The following SLC25A6 variants were observed in gnomAD, a reference collection of about 807,000 sequenced individuals.
SLC25A6 encodes the protein ADP/ATP translocase 3.
A neutral mutation model predicts 25.7 loss-of-function variants in SLC25A6; 9 were observed. The ratio of observed to expected loss-of-function variants is 0.35; its 90% CI spans 0.21 to 0.61. SLC25A6 has a LOEUF of 0.61. Among genes scored for constraint, SLC25A6 ranks in the 20% least tolerant of loss-of-function variants. SLC25A6 has a pLI of 0.76. For missense variants in SLC25A6, 404 were observed against 440.5 expected, an observed-to-expected ratio of 0.92 and a Z score of 0.74; for synonymous variants, 223 against 197.0, an observed-to-expected ratio of 1.13 and a Z score of -1.11.
intron 2 of SLC25A6, 54 bp from the exon 3 acceptor site, chrX:1,387,473 C>G (rs1440141011): frequency 6.8e-5 from 108 of 1,599,864 alleles, no homozygotes; most frequent in Non-Finnish European, 8.9e-5. Flanking sequence ...CACCCGAGAC[C>G]AGGGTCGGCC....
At chrX:1,391,720 C>G (rs2089415210) in intron 1 of SLC25A6, among the ~76,000 whole-genome samples, 179 bp downstream of exon 1, 2 of 152,260 alleles carry the variant, frequency 1.3e-5, no homozygotes, top group South Asian at 4.1e-4. Context: ...GACGTCGCCA[C>G]GCCCTGCAGC....
chrX:1,387,804 G>GATATA (rs1281957319), intron 2 of SLC25A6, among the ~76,000 whole-genome samples: 1 of 152,048 alleles, frequency 6.6e-6, no homozygotes. Flanking sequence ...ACTGTACTTG[G>GATATA]ATATAAGGTC....
At position 1,386,339 on chromosome X, in the gene SLC25A6, A is replaced by G. The variant is rs1244385448; in HGVS notation, c.*263T>C. The G allele has an allele frequency of 2.3e-6, 1 of 443,760 alleles. No homozygotes were observed. The highest frequency in any genetic ancestry group is 3.9e-6 in the Non-Finnish European group (1 of 254,850). The allele number at this position is 443,760 out of a possible 1,614,324, so 27.5% of individuals were successfully genotyped here. On this transcript the variant is annotated 3_prime_UTR_variant, in exon 4 of 4. Coordinates refer to ENST00000381401, the MANE Select transcript of SLC25A6 (RefSeq NM_001636.4). Reference sequence around the variant, plus strand: ...AAGCATCTGGACTCTAGGTCTCAGTACTGGAGTGTCTCACCCATGGGCCCC... The same window carrying G: ...AAGCATCTGGACTCTAGGTCTCAGTGCTGGAGTGTCTCACCCATGGGCCCC...
chrX:1,387,275 G>GT lies in SLC25A6; in HGVS notation c.739+3dup, dbSNP rs750753217. Reference sequence around the variant, plus strand: ...CAGCAAGGGTCCCCCGCCCCCCCGAGTACCTCCTTTGCGCCCGGACTGCAT... The same window carrying GT: ...CAGCAAGGGTCCCCCGCCCCCCCGAGTTACCTCCTTTGCGCCCGGACTGCAT... On this transcript the variant is annotated splice_donor_region_variant and intron_variant, in intron 3 of 3. Transcript: ENST00000381401. 92 of 1,611,300 alleles carry GT rather than the reference G, an allele frequency of 5.7e-5. No individual in the cohort carries two copies. The African/African-American group carries it at 1.1e-3, about 19-fold the overall frequency.
chrX:1,390,532 C>T (rs1245175709), intron 1 of SLC25A6, among the ~76,000 whole-genome samples: 1 of 150,752 alleles, frequency 6.6e-6, no homozygotes, highest in African/African-American at 2.4e-5. Flanking sequence ...GAGCCGAGAT[C>T]GTGCCACTGC....
chrX:1,386,826 C>T, intron 3 of SLC25A6, 67 bp from the exon 4 acceptor site: 4 of 1,525,132 alleles, frequency 2.6e-6, no homozygotes, highest in South Asian at 1.2e-5. Flanking sequence ...GCCACCTGCA[C>T]CCACAAAGAC....
chrX:1,387,147 C>T (rs1371287602), intron 3 of SLC25A6, 132 bp downstream of exon 3: 10 of 1,167,044 alleles, frequency 8.6e-6, no homozygotes, highest in Non-Finnish European at 1.2e-5. Context: ...AGCCAGGTTA[C>T]TTTCGGACAC....
Position 1,386,685 on chromosome X carries a change from TGAA to T in SLC25A6, c.811_813del (p.Phe271del), listed in dbSNP as rs1200978666. ...CGCAGGACGTTGGACCACGCACCCT[TGAA>T]GAAGGCCTTGCCCCCCTCATCTCTG... On this transcript the variant is annotated inframe_deletion, in exon 4 of 4. Coordinates refer to ENST00000381401, the MANE Select transcript of SLC25A6 (RefSeq NM_001636.4). 6 of 1,613,018 alleles carry T rather than the reference TGAA, an allele frequency of 3.7e-6. No individual in the cohort carries two copies. The highest frequency in any genetic ancestry group is 1.1e-5 in the South Asian group (1 of 90,990).
At chrX:1,388,390 T>A (rs1207164086) in intron 2 of SLC25A6, among the ~76,000 whole-genome samples, 1 of 148,464 alleles carries the variant, frequency 6.7e-6, no homozygotes, top group Non-Finnish European at 1.5e-5. Context: ...GGGACGACCC[T>A]GTGAGGACAC....
chrX:1,388,385 G>A (rs1256750354), intron 2 of SLC25A6, among the ~76,000 whole-genome samples: 175 of 148,874 alleles, frequency 1.2e-3, no homozygotes, highest in Middle Eastern at 3.9e-3. Context: ...ACAGAGGGAC[G>A]ACCCTGTGAG....
At chrX:1,389,176 G>T in intron 2 of SLC25A6, 65 bp downstream of exon 2, 1 of 1,553,110 alleles carries the variant, frequency 6.4e-7, no homozygotes, top group East Asian at 2.3e-5. Context: ...CAGCCCACAG[G>T]ACCCTGGGGG....
At chrX:1,389,121 G>A in intron 2 of SLC25A6, 120 bp downstream of exon 2, 2 of 1,096,804 alleles carry the variant, frequency 1.8e-6, no homozygotes, top group Admixed American at 2.6e-5. Context: ...CCAGGAGAGA[G>A]GCCGCAGGAG....
chrX:1,387,797 G>A (rs1230502143), intron 2 of SLC25A6, among the ~76,000 whole-genome samples: 1 of 151,952 alleles, frequency 6.6e-6, no homozygotes, highest in Non-Finnish European at 1.5e-5. Context: ...GGATGCAACT[G>A]TACTTGGATA....
At chrX:1,391,576 G>A (rs1367025705) in intron 1 of SLC25A6, among the ~76,000 whole-genome samples, 3 of 152,246 alleles carry the variant, frequency 2.0e-5, no homozygotes, top group Non-Finnish European at 4.4e-5. Context: ...TCCCAGCCGG[G>A]GGACCCGCAG....
At chrX:1,388,996 T>C (rs1365879333) in intron 2 of SLC25A6, among the ~76,000 whole-genome samples, 3 of 150,766 alleles carry the variant, frequency 2.0e-5, no homozygotes, top group African/African-American at 7.3e-5. Context: ...TATGGTATTC[T>C]GTGATAGCAG....
Position 1,391,949 on chromosome X carries a change from TGGC to T in SLC25A6, c.58_60del (p.Ala20del). The T allele has an allele frequency of 1.2e-6, 2 of 1,609,854 alleles. No individual in the cohort carries two copies. Among genetic ancestry groups the T allele is most frequent in the Non-Finnish European group, 1.7e-6 (2 of 1,179,028 alleles). On this transcript the variant is annotated inframe_deletion, in exon 1 of 4. Coordinates refer to ENST00000381401, the MANE Select transcript of SLC25A6 (RefSeq NM_001636.4). ...ATCGGAGCCACGGCCGTCTTGGAGA[TGGC>T]GGCGGCGATGCCTCCGGCCAAGAAG...
At chrX:1,391,800 G>C (rs1348646765) in intron 1 of SLC25A6, 99 bp downstream of exon 1, 3 of 904,646 alleles carry the variant, frequency 3.3e-6, no homozygotes, top group Non-Finnish European at 5.0e-6. Context: ...TTCCACTTCC[G>C]GCGCCCGCCT....
chrX:1,387,639 C>A (rs1298916593), intron 2 of SLC25A6, among the ~76,000 whole-genome samples: 1 of 152,190 alleles, frequency 6.6e-6, no homozygotes, highest in Non-Finnish European at 1.5e-5. Flanking sequence ...CTACCGGAGC[C>A]CAGCAAGACA....
rs1201606485 is a variant in SLC25A6, at chrX:1,386,463, C to T, written c.*139G>A. ...TGCGCCCCTTTTCTAGAGCCTTCCC[C>T]GGCCATCTACAGGCAGGATGCGGCT... is the stretch of plus-strand genomic sequence containing the variant. On this transcript the variant is annotated 3_prime_UTR_variant, in exon 4 of 4. Transcript: ENST00000381401. 4.9e-5 allele frequency: 57 copies of T among 1,164,442 alleles called. No individual in the cohort carries two copies. Among genetic ancestry groups the T allele is most frequent in the Admixed American group, 1.8e-4 (6 of 32,766 alleles). 72.1% of individuals were successfully genotyped at this position (1,164,442 alleles called of 1,614,324 possible).
Sources: gnomAD v4.1 joint callset for allele counts (sites outside exome capture counted in the v4.1 genomes callset) on GRCh38, gnomAD v4.1.1 for gene constraint, MANE v1.5 for transcripts, NCBI Gene and HGNC (gene_info 2026-07-23, HGNC 2026-07-21) for gene names.